The following GRIK2 variants were observed in gnomAD, a reference collection of about 807,000 sequenced individuals.
GRIK2 encodes the protein glutamate receptor ionotropic, kainate 2.
GRIK2 carries 32 observed loss-of-function variants against 100.3 expected under a neutral mutation model. The ratio of observed to expected loss-of-function variants is 0.32; its 90% CI spans 0.24 to 0.43. The LOEUF (loss-of-function observed/expected upper bound fraction) is 0.43, where lower values mean the gene tolerates loss of function less well. Ranked by LOEUF, GRIK2 falls within the 20% of genes least tolerant of loss-of-function variation. The probability of loss-of-function intolerance (pLI) is 1.00; values close to 1 mark genes in which losing one functional copy is unlikely to be tolerated. For missense variants in GRIK2, 843 were observed against 1,114.9 expected, an observed-to-expected ratio of 0.76 and a Z score of 3.47; for synonymous variants, 417 against 389.4, an observed-to-expected ratio of 1.07 and a Z score of -0.83.
At chr6:101,661,644 A>C (rs537417862) in intron 4 of GRIK2, among the ~76,000 whole-genome samples, 1 of 152,116 alleles carries the variant, frequency 6.6e-6, no homozygotes, top group Admixed American at 6.5e-5. Context: ...GGTTGTGAAG[A>C]CTGTGGGAAA....
intron 2 of GRIK2, among the ~76,000 whole-genome samples, chr6:101,437,409 C>T (rs1213426682): frequency 1.3e-5 from 2 of 152,018 alleles, no homozygotes; most frequent in African/African-American, 2.4e-5. Flanking sequence ...CTGCCAACAA[C>T]GGTGTGAATT....
chr6:101,774,081 G>T (rs568020995), intron 7 of GRIK2, among the ~76,000 whole-genome samples: 280 of 151,986 alleles, frequency 1.8e-3, no homozygotes, highest in Non-Finnish European at 3.1e-3. Context: ...GATGGCCTTT[G>T]CTATAATTTA....
chr6:102,056,207 A>G (rs570201564), intron 16 of GRIK2, among the ~76,000 whole-genome samples: 28 of 152,062 alleles, frequency 1.8e-4, no homozygotes, highest in African/African-American at 6.7e-4. Context: ...AAAAATATGT[A>G]TAAACTTCAA....
chr6:101,770,364 G>A (rs1778321621), intron 7 of GRIK2, among the ~76,000 whole-genome samples: 1 of 152,124 alleles, frequency 6.6e-6, no homozygotes, highest in Admixed American at 6.6e-5. Flanking sequence ...AGATGAAGCA[G>A]GTGAAGGTTA....
At chr6:101,847,949 C>CA (rs1783903699) in intron 10 of GRIK2, among the ~76,000 whole-genome samples, 1 of 152,052 alleles carries the variant, frequency 6.6e-6, no homozygotes, top group Non-Finnish European at 1.5e-5. Context: ...TAAATGCTTA[C>CA]AAAAAACACC....
At chr6:101,509,015 G>A (rs1195254759) in intron 2 of GRIK2, among the ~76,000 whole-genome samples, 1 of 151,946 alleles carries the variant, frequency 6.6e-6, no homozygotes, top group African/African-American at 2.4e-5. Context: ...AAAATAAGCT[G>A]GGCATGGGGG....
At chr6:101,829,968 C>T (rs569366241) in intron 10 of GRIK2, among the ~76,000 whole-genome samples, 27 of 151,716 alleles carry the variant, frequency 1.8e-4, no homozygotes, top group East Asian at 1.2e-3. Flanking sequence ...TGAATATCTA[C>T]GGCAACTCTA....
intron 7 of GRIK2, among the ~76,000 whole-genome samples, chr6:101,794,727 C>G (rs1780169261): frequency 6.6e-6 from 1 of 151,542 alleles, no homozygotes; most frequent in Non-Finnish European, 1.5e-5. Flanking sequence ...TTTCATAGAT[C>G]TATTTTTCAC....
At chr6:101,539,110 G>C (rs1304234420) in intron 2 of GRIK2, among the ~76,000 whole-genome samples, 1 of 151,650 alleles carries the variant, frequency 6.6e-6, no homozygotes, top group Non-Finnish European at 1.5e-5. Context: ...AAATTGAACT[G>C]TCACTTCATA....
intron 15 of GRIK2, among the ~76,000 whole-genome samples, chr6:102,046,035 G>A (rs1770869913): frequency 2.0e-5 from 3 of 152,008 alleles, no homozygotes; most frequent in Admixed American, 2.0e-4. Context: ...GTAACCAAAA[G>A]TCAGCAGGGA....
intron 12 of GRIK2, among the ~76,000 whole-genome samples, chr6:101,922,502 T>C (rs1290140879): frequency 6.6e-6 from 1 of 152,224 alleles, no homozygotes; most frequent in African/African-American, 2.4e-5. Context: ...TATGTTTTAA[T>C]TATCAAGAAA....
intron 2 of GRIK2, among the ~76,000 whole-genome samples, chr6:101,448,764 A>T (rs1770510386): frequency 6.6e-6 from 1 of 151,636 alleles, no homozygotes; most frequent in African/African-American, 2.4e-5. Flanking sequence ...AAACACAGAA[A>T]CACACATCAA....
Position 101,649,204 on chromosome 6 carries a change from G to T in GRIK2, c.541+22567G>T, listed in dbSNP as rs958213704. ...CTCTTCCTTTCAAGAAGGTAGTTTA[G>T]GTCCTGGGATAAAAACAAAAGACAA... On this transcript the variant is annotated intron_variant, in intron 4 of 16. Coordinates refer to ENST00000369134, the MANE Select transcript of GRIK2 (RefSeq NM_021956.5). 1.3e-5 allele frequency among the ~76,000 whole-genome samples: 2 copies of T among 152,008 alleles called. 1 individual carries two copies. The highest frequency in any genetic ancestry group is 3.9e-4 in the East Asian group (2 of 5,186).
At chr6:101,651,177 A>C (rs917496394) in intron 4 of GRIK2, among the ~76,000 whole-genome samples, 7 of 152,076 alleles carry the variant, frequency 4.6e-5, no homozygotes, top group Non-Finnish European at 1.0e-4. Context: ...AGTCTTCTGA[A>C]TCCTTAGAAA....
chr6:101,677,129 T>A (rs573323992), intron 5 of GRIK2, among the ~76,000 whole-genome samples: 1 of 152,220 alleles, frequency 6.6e-6, no homozygotes, highest in Non-Finnish European at 1.5e-5. Context: ...AGTCAACCAG[T>A]TGAGCAGCTC....
intron 7 of GRIK2, among the ~76,000 whole-genome samples, chr6:101,690,898 TTTATA>T (rs2128346695): frequency 6.6e-6 from 1 of 152,296 alleles, no homozygotes; most frequent in Non-Finnish European, 1.5e-5. Flanking sequence ...CTCCAGATAT[TTTATA>T]TGTGTGGTCC....
At chr6:101,684,400 A>G (rs926437160) in intron 6 of GRIK2, among the ~76,000 whole-genome samples, 27 of 152,188 alleles carry the variant, frequency 1.8e-4, no homozygotes, top group Non-Finnish European at 5.9e-5. Context: ...TCCTTTTGCT[A>G]CTATTCTCCT....
intron 2 of GRIK2, among the ~76,000 whole-genome samples, chr6:101,402,468 G>T (rs1330918633): frequency 6.6e-6 from 1 of 152,128 alleles, no homozygotes; most frequent in African/African-American, 2.4e-5. Flanking sequence ...CTCTGCAGCC[G>T]CTCAGCAAAC....
intron 2 of GRIK2, among the ~76,000 whole-genome samples, chr6:101,568,464 G>T (rs998012166): frequency 6.6e-6 from 1 of 151,998 alleles, no homozygotes; most frequent in African/African-American, 2.4e-5. Context: ...CCTGGTTTGA[G>T]CCTAACCCTT....
Sources: gnomAD v4.1 joint callset for allele counts (sites outside exome capture counted in the v4.1 genomes callset) on GRCh38, gnomAD v4.1.1 for gene constraint, MANE v1.5 for transcripts, NCBI Gene and HGNC (gene_info 2026-07-23, HGNC 2026-07-21) for gene names.